CNTN3: variants seen among roughly 807,000 people sequenced by gnomAD.
The protein encoded by CNTN3 is contactin 3.
In CNTN3, 60 loss-of-function variants were observed where a neutral mutation model predicts 119.1. The observed-to-expected ratio is 0.50, with a 90% CI of 0.41 to 0.62. CNTN3 has a LOEUF of 0.62. CNTN3 is among the 20% of genes least tolerant of loss of function. The probability of loss-of-function intolerance (pLI) is 0.00; values close to 1 mark genes in which losing one functional copy is unlikely to be tolerated. For missense variants in CNTN3, 1,101 were observed against 1,242.4 expected, an observed-to-expected ratio of 0.89 and a Z score of 1.71; for synonymous variants, 450 against 438.7, an observed-to-expected ratio of 1.03 and a Z score of -0.32.
At chr3:74,506,756 C>CAAA (rs1189175344) in intron 2 of CNTN3, among the ~76,000 whole-genome samples, 1 of 141,938 alleles carries the variant, frequency 7.0e-6, no homozygotes, top group East Asian at 2.1e-4. Context: ...AAAAAAACAA[C>CAAA]ACTTACATTC....
At chr3:74,411,321 G>A (rs1701435356) in intron 5 of CNTN3, among the ~76,000 whole-genome samples, 1 of 152,062 alleles carries the variant, frequency 6.6e-6, no homozygotes, top group Non-Finnish European at 1.5e-5. Flanking sequence ...CTCGGCAGAG[G>A]ATATTTTGAA....
chr3:74,358,757 C>T (rs28676977), intron 11 of CNTN3, among the ~76,000 whole-genome samples: 77 of 105,708 alleles, frequency 7.3e-4, no homozygotes, highest in African/African-American at 2.3e-3. Flanking sequence ...CTATCCCTCC[C>T]CCCTCCCCCC....
At chr3:74,538,659 T>C (rs1703799052) in intron 1 of CNTN3, among the ~76,000 whole-genome samples, 1 of 152,168 alleles carries the variant, frequency 6.6e-6, no homozygotes, top group Non-Finnish European at 1.5e-5. Context: ...AACATACATA[T>C]TTTATGCTAT....
At chr3:74,268,611 T>TAA (rs1701708438) in intron 20 of CNTN3, among the ~76,000 whole-genome samples, 2 of 152,204 alleles carry the variant, frequency 1.3e-5, no homozygotes, top group African/African-American at 2.4e-5. Flanking sequence ...TTCTGTGATG[T>TAA]GAGTATTCAC....
intron 13 of CNTN3, among the ~76,000 whole-genome samples, chr3:74,317,954 C>T (rs1183396865): frequency 2.0e-5 from 3 of 152,166 alleles, no homozygotes; most frequent in African/African-American, 7.2e-5. Flanking sequence ...GTTCCATTCT[C>T]CCTGTCACTT....
At chr3:74,445,413 C>A (rs1702033422) in intron 4 of CNTN3, among the ~76,000 whole-genome samples, 1 of 152,032 alleles carries the variant, frequency 6.6e-6, no homozygotes, top group African/African-American at 2.4e-5. Context: ...CAGGTGCCTG[C>A]CACCATGCCT....
At chr3:74,520,068 CTTCT>C (rs1245179461) in intron 2 of CNTN3, among the ~76,000 whole-genome samples, 1 of 151,454 alleles carries the variant, frequency 6.6e-6, no homozygotes, top group Non-Finnish European at 1.5e-5. Context: ...CACTCATTTT[CTTCT>C]TTTAGAAAAG....
rs535970693 is a variant in CNTN3 at position 74,501,767 on chromosome 3, A to G, written c.56-1982T>C. 1.2e-4 allele frequency among the ~76,000 whole-genome samples: 17 copies of G among 139,774 alleles called. No individual in the cohort carries two copies. In the Admixed American group the frequency reaches 1.2e-3, roughly 10 times the overall value. 91.7% of individuals were successfully genotyped at this position (139,774 alleles called of 152,430 possible). ...TGATCTTTACCTGATCATTACTTTC[A>G]TCTATCAGGGGAAATTGCCAAAGGA... is the stretch of plus-strand genomic sequence containing the variant. On this transcript the variant is annotated intron_variant, in intron 2 of 22. Coordinates refer to ENST00000263665, the MANE Select transcript of CNTN3 (RefSeq NM_020872.3).
rs189644855 is a variant in CNTN3 at position 74,595,475 on chromosome 3, G to A, written c.-81+18916C>T. ...CATCTTGAATTAATTTTTGTAGAAG[G>A]TGTAAGGAAACCACCATGATCAAGT... On this transcript the variant is annotated intron_variant, in intron 1 of 22. Coordinates refer to ENST00000263665, the MANE Select transcript of CNTN3 (RefSeq NM_020872.3). Among the ~76,000 whole-genome samples, 471 of 152,190 alleles carry A rather than the reference G, an allele frequency of 3.1e-3. 3 individuals carry two copies. Among genetic ancestry groups the A allele is most frequent in the Middle Eastern group, 0.01 (3 of 294 alleles).
At chr3:74,336,946 T>C (rs1041691145) in intron 11 of CNTN3, among the ~76,000 whole-genome samples, 1 of 152,118 alleles carries the variant, frequency 6.6e-6, no homozygotes, top group Non-Finnish European at 1.5e-5. Flanking sequence ...AGGATGCACT[T>C]ATCAAATAAG....
chr3:74,511,575 C>T (rs1202736054), intron 2 of CNTN3, among the ~76,000 whole-genome samples: 1 of 151,946 alleles, frequency 6.6e-6, no homozygotes, highest in Non-Finnish European at 1.5e-5. Context: ...AGGGCTGAAG[C>T]CAGGGGATTG....
intron 5 of CNTN3, among the ~76,000 whole-genome samples, chr3:74,396,731 C>A (rs948623284): frequency 8.7e-6 from 1 of 114,948 alleles, no homozygotes; most frequent in South Asian, 3.1e-4. Context: ...GGCGACAGAG[C>A]GAGATTCCGC....
intron 1 of CNTN3, among the ~76,000 whole-genome samples, chr3:74,560,586 C>A (rs1704137861): frequency 6.6e-6 from 1 of 152,110 alleles, no homozygotes; most frequent in Non-Finnish European, 1.5e-5. Flanking sequence ...TCATCTTAAA[C>A]TAGTACAACC....
intron 19 of CNTN3, among the ~76,000 whole-genome samples, chr3:74,288,320 G>A (rs1163346005): frequency 6.6e-6 from 1 of 151,660 alleles, no homozygotes; most frequent in Admixed American, 6.6e-5. Context: ...CACTATGCCT[G>A]GCTAATTTTT....
chr3:74,544,582 G>A (rs180720110), intron 1 of CNTN3, among the ~76,000 whole-genome samples: 1 of 152,088 alleles, frequency 6.6e-6, no homozygotes, highest in Admixed American at 6.5e-5. Flanking sequence ...TATCCTAGAT[G>A]AAACTCTTTT....
At chr3:74,411,411 G>A (rs1273500198) in intron 5 of CNTN3, among the ~76,000 whole-genome samples, 1 of 152,078 alleles carries the variant, frequency 6.6e-6, no homozygotes, top group Non-Finnish European at 1.5e-5. Flanking sequence ...CCTGCAAGAT[G>A]CTCCATAAAC....
rs1033420357 is a variant in CNTN3, at chr3:74,371,549, A to G, written c.455-150T>C. 4 of 620,750 alleles carry G rather than the reference A, an allele frequency of 6.4e-6. No homozygotes were observed. The African/African-American group carries it at 7.4e-5, about 11-fold the overall frequency. The allele number at this position is 620,750 out of a possible 1,614,324, so 38.5% of individuals were successfully genotyped here. A position where few individuals can be genotyped will look rare whatever the true frequency, so the allele number is the denominator to read the frequency against. On this transcript the variant is annotated intron_variant, in intron 5 of 22. Coordinates refer to ENST00000263665, the MANE Select transcript of CNTN3 (RefSeq NM_020872.3). ...CCATGAAGAGAAGCAGTTAAGTGAA[A>G]TAACTCTCAATTTATTCTTTATTAT...
chr3:74,296,066 G>A (rs575733558), intron 18 of CNTN3, among the ~76,000 whole-genome samples: 2 of 152,240 alleles, frequency 1.3e-5, no homozygotes, highest in Admixed American at 1.3e-4. Context: ...CATTTTCTGA[G>A]GTTCCAGGGC....
chr3:74,342,164 A>G (rs183613659), intron 11 of CNTN3, among the ~76,000 whole-genome samples: 20 of 152,290 alleles, frequency 1.3e-4, no homozygotes, highest in Admixed American at 1.2e-3. Flanking sequence ...ATGAAAATGT[A>G]TGAGAAAATA....
Sources: allele counts gnomAD v4.1 joint callset (sites outside exome capture counted in the v4.1 genomes callset), GRCh38; gene constraint gnomAD v4.1.1; transcripts MANE v1.5; gene names NCBI Gene and HGNC (gene_info 2026-07-23, HGNC 2026-07-21).